Variants in EXT1 observed in about 807,000 individuals in gnomAD.
The protein encoded by EXT1 is exostosin glycosyltransferase 1.
A neutral mutation model predicts 82.5 loss-of-function variants in EXT1; 20 were observed. The observed-to-expected ratio is 0.24, with a 90% confidence interval of 0.17 to 0.35. EXT1 has a LOEUF of 0.35. Ranked by LOEUF, EXT1 falls within the 10% of genes least tolerant of loss-of-function variation. The pLI is 1.00. For synonymous variants in EXT1, 348 were observed against 350.8 expected (o/e 0.99, Z 0.09); for missense variants, 757 against 936.5 (o/e 0.81, Z 2.50).
In EXT1 at chr8:118,096,927, C is replaced by A. The variant is rs111356421; in HGVS notation, c.962+13158G>T. On this transcript the variant is annotated intron_variant, in intron 1 of 10. Coordinates refer to ENST00000378204, the MANE Select transcript of EXT1 (RefSeq NM_000127.3). ...ATATCAACAGTAGTAACATTCCCTTCGGTTAAATAAATGTAAATTTTTTTC... is the reference window on the plus strand; with the variant it reads ...ATATCAACAGTAGTAACATTCCCTTAGGTTAAATAAATGTAAATTTTTTTC... Among the ~76,000 whole-genome samples, 610 of 152,266 alleles carry A rather than the reference C, an allele frequency of 4.0e-3. 5 individuals carry two copies. Among genetic ancestry groups the A allele is most frequent in the African/African-American group, 0.014 (583 of 41,548 alleles).
chr8:118,028,685 T>G (rs1219037678), intron 1 of EXT1, among the ~76,000 whole-genome samples: 1 of 151,504 alleles, frequency 6.6e-6, no homozygotes, highest in East Asian at 1.9e-4. Context: ...ATCCCAGCAC[T>G]TTGGGAGGCT....
At chr8:117,981,420 T>C (rs1235303116) in intron 1 of EXT1, among the ~76,000 whole-genome samples, 3 of 152,234 alleles carry the variant, frequency 2.0e-5, no homozygotes, top group Non-Finnish European at 4.4e-5. Flanking sequence ...TCTAGTACTT[T>C]GGAGCTACCC....
chr8:117,972,459 C>G (rs935064419), intron 1 of EXT1, among the ~76,000 whole-genome samples: 32 of 152,270 alleles, frequency 2.1e-4, no homozygotes, highest in African/African-American at 7.0e-4. Flanking sequence ...CACTCTTGCT[C>G]AAATGGTAAA....
chr8:117,942,217 T>C (rs922369888), intron 1 of EXT1, among the ~76,000 whole-genome samples: 20 of 152,232 alleles, frequency 1.3e-4, no homozygotes, highest in African/African-American at 4.6e-4. Context: ...ATCAGACCTT[T>C]TGCTGCATCC....
intron 1 of EXT1, among the ~76,000 whole-genome samples, chr8:117,891,968 G>A (rs1213115684): frequency 4.0e-5 from 6 of 151,890 alleles, no homozygotes; most frequent in Non-Finnish European, 5.9e-5. Flanking sequence ...TACCACACCC[G>A]GCTAATTTTT....
chr8:117,855,819 C>T (rs1369848689), intron 1 of EXT1, among the ~76,000 whole-genome samples: 4 of 152,172 alleles, frequency 2.6e-5, no homozygotes, highest in Admixed American at 2.0e-4. Flanking sequence ...CAGGTGCTCA[C>T]CACCATGCCT....
At chr8:117,958,061 A>C (rs11562822) in intron 1 of EXT1, among the ~76,000 whole-genome samples, 9,317 of 152,242 alleles carry the variant, frequency 0.061, 639 homozygotes, top group African/African-American at 0.17. Context: ...AGAGAACAGT[A>C]TTTAATGCCT....
At chr8:118,069,938 TG>T (rs1817058356) in intron 1 of EXT1, among the ~76,000 whole-genome samples, 1 of 152,196 alleles carries the variant, frequency 6.6e-6, no homozygotes, top group African/African-American at 2.4e-5. Flanking sequence ...AACAATCCTA[TG>T]AACTAGTTAA....
At chr8:118,104,029 A>C (rs1817768229) in intron 1 of EXT1, among the ~76,000 whole-genome samples, 2 of 152,266 alleles carry the variant, frequency 1.3e-5, no homozygotes. Flanking sequence ...ATTTTGTAGA[A>C]GAGAATGGAC....
chr8:117,903,907 A>C (rs17453029), intron 1 of EXT1, among the ~76,000 whole-genome samples: 1 of 152,366 alleles, frequency 6.6e-6, no homozygotes, highest in Non-Finnish European at 1.5e-5. Flanking sequence ...AAATTCTTAG[A>C]TGCACTTCTC....
chr8:117,985,068 C>T (rs980676820), intron 1 of EXT1, among the ~76,000 whole-genome samples: 1 of 152,152 alleles, frequency 6.6e-6, no homozygotes, highest in African/African-American at 2.4e-5. Context: ...GAGTTGCCCA[C>T]CTGCCTGGCT....
At chr8:118,070,226 CTGTGTGTGTGTGTGTGTGTGTG>C (rs36229782) in intron 1 of EXT1, among the ~76,000 whole-genome samples, 41 of 133,440 alleles carry the variant, frequency 3.1e-4, no homozygotes, top group Admixed American at 1.0e-3. Flanking sequence ...TCATAAATTT[CTGTGTGTGTGTGTGTGTGTGTG>C]TGTGTGTGTG....
intron 1 of EXT1, among the ~76,000 whole-genome samples, chr8:118,094,232 T>C (rs1028473166): frequency 1.3e-5 from 2 of 152,184 alleles, no homozygotes; most frequent in Non-Finnish European, 2.9e-5. Flanking sequence ...ACGAATTTTT[T>C]TAAAGACACA....
intron 1 of EXT1, among the ~76,000 whole-genome samples, chr8:117,967,071 T>C (rs1353820683): frequency 6.6e-6 from 1 of 152,246 alleles, no homozygotes; most frequent in Non-Finnish European, 1.5e-5. Flanking sequence ...GTGGCAATGA[T>C]AATTAACACA....
intron 1 of EXT1, among the ~76,000 whole-genome samples, chr8:118,041,644 AAAAG>A (rs1404926445): frequency 5.5e-5 from 8 of 146,360 alleles, no homozygotes; most frequent in Non-Finnish European, 1.0e-4. Flanking sequence ...TTAAACAAGA[AAAAG>A]AAAGAAAGAG....
At chr8:117,935,321 C>CTT (rs3049789) in intron 1 of EXT1, among the ~76,000 whole-genome samples, 2 of 124,004 alleles carry the variant, frequency 1.6e-5, no homozygotes, top group South Asian at 2.6e-4. Flanking sequence ...TTATCTATCA[C>CTT]TTTTTTTTTT....
intron 1 of EXT1, among the ~76,000 whole-genome samples, chr8:118,081,431 A>G (rs1817327403): frequency 6.6e-6 from 1 of 152,174 alleles, no homozygotes; most frequent in Admixed American, 6.5e-5. Flanking sequence ...ACTGCTTCTA[A>G]AGTCAGAGCA....
At chr8:117,834,333 G>C (rs575890935) in intron 3 of EXT1, among the ~76,000 whole-genome samples, 1 of 152,238 alleles carries the variant, frequency 6.6e-6, no homozygotes, top group South Asian at 2.1e-4. Context: ...GGCCAGGCGC[G>C]GTGGCTCACA....
At chr8:117,861,184 A>G (rs1812677432) in intron 1 of EXT1, among the ~76,000 whole-genome samples, 1 of 152,214 alleles carries the variant, frequency 6.6e-6, no homozygotes, top group Non-Finnish European at 1.5e-5. Context: ...AAAGCAGTAG[A>G]ATGTCAGAAA....
Sources: gnomAD v4.1 joint callset for allele counts (sites outside exome capture counted in the v4.1 genomes callset) on GRCh38, gnomAD v4.1.1 for gene constraint, MANE v1.5 for transcripts, NCBI Gene and HGNC (gene_info 2026-07-23, HGNC 2026-07-21) for gene names.